Variants in ADARB1 observed in about 807,000 individuals in gnomAD.
ADARB1 encodes the protein adenosine deaminase RNA specific B1.
Under a neutral mutation model 52.4 loss-of-function variants are expected in ADARB1, and 10 were observed. The observed-to-expected ratio is 0.19, with a 90% CI of 0.12 to 0.32. The LOEUF is 0.32. Ranked by LOEUF, ADARB1 falls within the 10% of genes least tolerant of loss-of-function variation. The pLI, the probability that ADARB1 is intolerant of heterozygous loss-of-function variation, is 1.00. For missense variants in ADARB1, 643 were observed against 922.3 expected, an observed-to-expected ratio of 0.70 and a Z score of 3.92; for synonymous variants, 349 against 371.1, an observed-to-expected ratio of 0.94 and a Z score of 0.68.
At chr21:45,213,931 G>A (rs1028384379) in intron 9 of ADARB1, among the ~76,000 whole-genome samples, 5 of 152,194 alleles carry the variant, frequency 3.3e-5, no homozygotes, top group Non-Finnish European at 5.9e-5. Flanking sequence ...TGAATCCTAA[G>A]ATAGGTGTAT....
intron 1 of ADARB1, among the ~76,000 whole-genome samples, chr21:45,109,346 G>T (rs1274051032): frequency 1.3e-5 from 2 of 152,254 alleles, no homozygotes; most frequent in Non-Finnish European, 2.9e-5. Context: ...GTGCACGTGT[G>T]TGTCCCCATG....
rs377171441 is a variant in ADARB1 at position 45,204,666 on chromosome 21, C to T, written c.1677C>T (p.Ala559=). The change falls in exon 9 of 11, where the codon GCC becomes GCT. Residue 559 remains alanine (A), a synonymous_variant. Transcript: ENST00000348831. This position sits in a 1 kb window ranked among gnomAD's most constrained non-coding sequence, Gnocchi z 4.4. ...SLYHGDHLSR[A]MYQRISNIED... ...ACCACGGGGACCACCTTTCCAGGGC[C>T]ATGTACCAGCGGATCTCCAACATAG... is the stretch of plus-strand genomic sequence containing the variant. The T allele has an allele frequency of 6.2e-7, 1 of 1,614,080 alleles. No homozygotes were observed. Among genetic ancestry groups the T allele is most frequent in the African/African-American group, 1.3e-5 (1 of 74,928 alleles).
In ADARB1 at chr21:45,176,969, A is replaced by C; in HGVS notation, c.963+305A>C. The C allele has an allele frequency of 2.6e-5, 7 of 272,992 alleles. No individual in the cohort carries two copies. The highest frequency in any genetic ancestry group is 4.1e-5 in the Non-Finnish European group (6 of 145,864). The allele number at this position is 272,992 out of a possible 1,614,324, so 16.9% of individuals were successfully genotyped here. ...CCCTTCCCGTTAGGCAACCCCCCCC[A>C]TGACCCTCATCCCACAGCAAGCCTT... On this transcript the variant is annotated intron_variant, in intron 4 of 10. Transcript: ENST00000348831. The surrounding 1 kb of genome is among the most constrained non-coding windows in gnomAD (Gnocchi z 5.8).
intron 1 of ADARB1, chr21:45,120,874 A>C (rs977781638): frequency 6.6e-6 from 1 of 152,242 alleles, no homozygotes; most frequent in African/African-American, 2.4e-5. Context: ...TGATTGAGAA[A>C]TCTAAGTTAA....
At chr21:45,160,659 C>T (rs564288388) in intron 2 of ADARB1, among the ~76,000 whole-genome samples, 1 of 152,358 alleles carries the variant, frequency 6.6e-6, no homozygotes, top group East Asian at 1.9e-4. Context: ...CTGGATATGA[C>T]TTCCAGTCAT....
chr21:45,209,304 C>T (rs368563855), intron 9 of ADARB1, among the ~76,000 whole-genome samples: 7 of 152,260 alleles, frequency 4.6e-5, no homozygotes, highest in African/African-American at 1.7e-4. Flanking sequence ...TAGATGAAGC[C>T]GTAAGAGCTC....
chr21:45,198,674 A>G (rs918592824), intron 8 of ADARB1, among the ~76,000 whole-genome samples: 2 of 152,160 alleles, frequency 1.3e-5, no homozygotes, highest in Non-Finnish European at 1.5e-5. Flanking sequence ...CCAAGGATAG[A>G]AAAGTAGGGA....
rs889451603 is a variant in ADARB1 at position 45,149,116 on chromosome 21, G to C, written c.-48+20543G>C. Among the ~76,000 whole-genome samples, 3 of 152,140 alleles carry C rather than the reference G, an allele frequency of 2.0e-5. No homozygotes were observed. In the South Asian group the frequency reaches 6.2e-4, roughly 32 times the overall value. ...CATGTTCCTGGGTGCAACAACATGG[G>C]GCCCCAGGGCAGCTTCCCATGATGC... On this transcript the variant is annotated intron_variant, in intron 2 of 10. Coordinates refer to ENST00000348831, the MANE Select transcript of ADARB1 (RefSeq NM_001112.4).
At chr21:45,217,018 C>T (rs2092876480) in intron 9 of ADARB1, among the ~76,000 whole-genome samples, 2 of 151,944 alleles carry the variant, frequency 1.3e-5, no homozygotes, top group Admixed American at 6.6e-5. Context: ...ATAACCTCCT[C>T]AACTTTCTTT....
At chr21:45,132,966 C>T (rs553013155) in intron 2 of ADARB1, among the ~76,000 whole-genome samples, 19 of 152,350 alleles carry the variant, frequency 1.2e-4, no homozygotes, top group African/African-American at 4.6e-4. Flanking sequence ...TCCAAAGCCA[C>T]AGTCAGCGTT....
chr21:45,103,067 C>T (rs903855197), intron 1 of ADARB1, among the ~76,000 whole-genome samples: 7 of 152,180 alleles, frequency 4.6e-5, no homozygotes, highest in African/African-American at 1.7e-4. Flanking sequence ...TCAGACAGAT[C>T]CCAGCTGAGG....
In ADARB1 at chr21:45,176,258, C is replaced by A. The variant is rs755455385; in HGVS notation, c.557C>A (p.Ala186Glu). ...LFNGFETPDK[A>E]EPPFYVGSNG... ...AATGGTTTTGAAACTCCTGACAAGG[C>A]GGAGCCTCCCTTTTACGTGGGCTCC... The change falls in exon 4 of 11, where the codon GCG becomes GAG. Residue 186 changes from alanine to glutamate, a missense_variant. Around this residue, in one of 2 missense-constraint regions of ADARB1, gnomAD observed 380 missense variants for 446.5 expected, o/e 0.85. Coordinates refer to ENST00000348831, the MANE Select transcript of ADARB1 (RefSeq NM_001112.4). The surrounding 1 kb of genome is among the most constrained non-coding windows in gnomAD (Gnocchi z 5.8). The A allele has an allele frequency of 1.2e-6, 2 of 1,614,198 alleles. No homozygotes were observed. Among genetic ancestry groups the A allele is most frequent in the Non-Finnish European group, 1.7e-6 (2 of 1,180,018 alleles).
chr21:45,224,591 T>TG lies in ADARB1; in HGVS notation c.*2400dup, dbSNP rs2093028275. On this transcript the variant is annotated 3_prime_UTR_variant, in exon 11 of 11. Transcript: ENST00000348831. ...CGGGGTGCCCTGGGCAGGGGGCTAC[T>TG]GGGGGGCGGCTGTGAGGAGGAGTTG... is the stretch of plus-strand genomic sequence containing the variant. The TG allele has an allele frequency of 3.3e-6, 1 of 302,544 alleles. No individual in the cohort carries two copies. Among genetic ancestry groups the TG allele is most frequent in the Non-Finnish European group, 3.6e-6 (1 of 275,598 alleles). The allele number at this position is 302,544 out of a possible 1,614,324, so 18.7% of individuals were successfully genotyped here. A position where few individuals can be genotyped will look rare whatever the true frequency, so the allele number is the denominator to read the frequency against.
intron 1 of ADARB1, among the ~76,000 whole-genome samples, chr21:45,079,608 G>C (rs1446472317): frequency 6.6e-6 from 1 of 152,216 alleles, no homozygotes; most frequent in Non-Finnish European, 1.5e-5. Flanking sequence ...TGAGCAAGCA[G>C]TCTAATCTCT....
chr21:45,118,618 A>G (rs2087962970), intron 1 of ADARB1: 1 of 152,228 alleles, frequency 6.6e-6, no homozygotes, highest in African/African-American at 2.4e-5. Context: ...GTTCTACTGC[A>G]GGTAAACATC....
intron 5 of ADARB1, among the ~76,000 whole-genome samples, chr21:45,182,236 C>G (rs558270605): frequency 1.3e-5 from 2 of 152,268 alleles, no homozygotes; most frequent in Non-Finnish European, 2.9e-5. Context: ...GTTAGTCCAC[C>G]TTTCCATAGT....
chr21:45,098,804 A>G (rs1487262024), intron 1 of ADARB1, among the ~76,000 whole-genome samples: 1 of 152,110 alleles, frequency 6.6e-6, no homozygotes, highest in Non-Finnish European at 1.5e-5. Context: ...TCAGCCTTCA[A>G]TCTTGTGTAT....
At chr21:45,156,282 CACCCATCACCCAT>C (rs2090614365) in intron 2 of ADARB1, among the ~76,000 whole-genome samples, 1 of 43,330 alleles carries the variant, frequency 2.3e-5, no homozygotes, top group Non-Finnish European at 5.3e-5. Flanking sequence ...CACCCATCAT[CACCCATCACCCAT>C]CATCCATCCA....
chr21:45,224,271 C>G lies in ADARB1; in HGVS notation c.*2074C>G. ...ACTACCCGGTATGTCTGGCTTTTCC[C>G]TTCTGTCAGGTAATAGCTAAAGTCA... is the stretch of plus-strand genomic sequence containing the variant. On this transcript the variant is annotated 3_prime_UTR_variant, in exon 11 of 11. Coordinates refer to ENST00000348831, the MANE Select transcript of ADARB1 (RefSeq NM_001112.4). 2 of 985,402 alleles carry G rather than the reference C, an allele frequency of 2.0e-6. No homozygotes were observed. Among genetic ancestry groups the G allele is most frequent in the Non-Finnish European group, 2.4e-6 (2 of 829,930 alleles). The allele number at this position is 985,402 out of a possible 1,614,324, so 61.0% of individuals were successfully genotyped here.
Sources: allele counts gnomAD v4.1 joint callset (sites outside exome capture counted in the v4.1 genomes callset), GRCh38; gene constraint gnomAD v4.1.1; regional missense constraint gnomAD v4.1.1; non-coding constraint Gnocchi (gnomAD v3.1); transcripts MANE v1.5; gene names NCBI Gene and HGNC (gene_info 2026-07-23, HGNC 2026-07-21).